The following HPSE2 variants were observed in gnomAD, a reference collection of about 807,000 sequenced individuals.
HPSE2 encodes heparanase 2 (inactive), also known as inactive heparanase-2.
A neutral mutation model predicts 60.5 loss-of-function variants in HPSE2; 38 were observed. The observed-to-expected ratio is 0.63, with a 90% confidence interval of 0.48 to 0.82. The LOEUF (loss-of-function observed/expected upper bound fraction) is 0.82, where lower values mean the gene tolerates loss of function less well. Ranked by LOEUF, HPSE2 falls within the 40% of genes least tolerant of loss-of-function variation. HPSE2 has a pLI of 0.00. For missense variants in HPSE2, 713 were observed against 740.4 expected, an observed-to-expected ratio of 0.96 and a Z score of 0.43; for synonymous variants, 295 against 293.2, an observed-to-expected ratio of 1.01 and a Z score of -0.06.
intron 2 of HPSE2, among the ~76,000 whole-genome samples, chr10:99,184,789 T>TATATATATATATATATATATATA (rs1847914628): frequency 4.6e-5 from 1 of 21,776 alleles, no homozygotes; most frequent in Non-Finnish European, 9.1e-5. Context: ...TCCAAAATTA[T>TATATATATATATATATATATATA]ATATATATAT....
In HPSE2 at chr10:98,545,492, G is replaced by A. The variant is rs187731646; in HGVS notation, c.1321-55296C>T. ...GGCTTCATCCCTGGGATGGAAGGCT[G>A]GTTCAACACAAGCAAATCAATAAAG... On this transcript the variant is annotated intron_variant, in intron 9 of 11. Transcript: ENST00000370552. 1.4e-3 allele frequency among the ~76,000 whole-genome samples: 213 copies of A among 152,296 alleles called. 3 individuals are homozygous for A. In the Middle Eastern group the frequency reaches 0.024, roughly 17 times the overall value.
chr10:98,893,904 G>A (rs1430950516), intron 3 of HPSE2, among the ~76,000 whole-genome samples: 9 of 144,298 alleles, frequency 6.2e-5, no homozygotes, highest in Admixed American at 7.0e-5. Flanking sequence ...TGGTAAACTA[G>A]AAAAAAAAAA....
intron 3 of HPSE2, among the ~76,000 whole-genome samples, chr10:98,830,343 G>T (rs753000922): frequency 6.6e-6 from 1 of 152,148 alleles, no homozygotes; most frequent in African/African-American, 2.4e-5. Flanking sequence ...AAGAGGAAAA[G>T]ATGAAGAAAG....
At chr10:98,642,777 C>T (rs1296252876) in intron 6 of HPSE2, among the ~76,000 whole-genome samples, 1 of 152,198 alleles carries the variant, frequency 6.6e-6, no homozygotes, top group East Asian at 1.9e-4. Context: ...TTCCCTTACC[C>T]CCATCTTGGC....
At chr10:98,479,221 C>T (rs565879439) in intron 11 of HPSE2, among the ~76,000 whole-genome samples, 6 of 152,224 alleles carry the variant, frequency 3.9e-5, no homozygotes, top group South Asian at 2.1e-4. Context: ...TGAATTGGGG[C>T]GGGGGGCACT....
chr10:99,198,180 A>T (rs188058069), intron 2 of HPSE2, among the ~76,000 whole-genome samples: 1 of 152,316 alleles, frequency 6.6e-6, no homozygotes, highest in East Asian at 1.9e-4. Context: ...CCCAGTTTCA[A>T]ATCTTACTAA....
intron 3 of HPSE2, among the ~76,000 whole-genome samples, chr10:99,036,274 C>CA (rs1342681217): frequency 6.6e-6 from 1 of 151,534 alleles, no homozygotes; most frequent in Non-Finnish European, 1.5e-5. Flanking sequence ...TAAAAGAAAC[C>CA]AGGGATCTTT....
chr10:98,732,866 G>C (rs1949262148), intron 4 of HPSE2, among the ~76,000 whole-genome samples: 1 of 151,896 alleles, frequency 6.6e-6, no homozygotes, highest in South Asian at 2.1e-4. Context: ...TCATATACTT[G>C]AATTTTTAAA....
intron 3 of HPSE2, among the ~76,000 whole-genome samples, chr10:98,779,939 G>A (rs889401332): frequency 6.6e-6 from 1 of 152,080 alleles, no homozygotes; most frequent in Non-Finnish European, 1.5e-5. Context: ...TAAGAGACTT[G>A]CTAGAGAGCC....
At chr10:98,503,242 G>GA (rs1942087478) in intron 9 of HPSE2, among the ~76,000 whole-genome samples, 2 of 148,364 alleles carry the variant, frequency 1.3e-5, no homozygotes, top group Admixed American at 6.7e-5. Context: ...AAGAAAAAAA[G>GA]AAAAAAAAGA....
chr10:98,738,227 G>A (rs977030513), intron 4 of HPSE2, among the ~76,000 whole-genome samples: 1 of 152,104 alleles, frequency 6.6e-6, no homozygotes, highest in African/African-American at 2.4e-5. Flanking sequence ...AACAAGCAAT[G>A]GGGAAAGGAT....
At chr10:98,687,122 C>G (rs547691413) in intron 6 of HPSE2, among the ~76,000 whole-genome samples, 2 of 151,864 alleles carry the variant, frequency 1.3e-5, no homozygotes, top group South Asian at 4.2e-4. Flanking sequence ...TTGATTGCTG[C>G]TCTAAACAAA....
chr10:99,169,649 C>T (rs1847233955), intron 2 of HPSE2, among the ~76,000 whole-genome samples: 1 of 148,870 alleles, frequency 6.7e-6, no homozygotes, highest in African/African-American at 2.5e-5. Flanking sequence ...AGGGAGTTAT[C>T]AGAATAGCAG....
the HPSE2 span, among the ~76,000 whole-genome samples, chr10:99,298,449 T>C: frequency 2.1e-4 from 32 of 152,230 alleles, no homozygotes; most frequent in African/African-American, 7.2e-4. Context: ...CCAAAAGCCT[T>C]GCCACTAAGG....
At chr10:99,188,625 T>C (rs1233419879) in intron 2 of HPSE2, among the ~76,000 whole-genome samples, 1 of 152,210 alleles carries the variant, frequency 6.6e-6, no homozygotes, top group East Asian at 1.9e-4. Context: ...TATCATCTCC[T>C]AGTTCTTTAG....
intron 7 of HPSE2, among the ~76,000 whole-genome samples, chr10:98,631,267 C>T (rs1486616429): frequency 3.3e-5 from 5 of 152,024 alleles, no homozygotes; most frequent in African/African-American, 7.3e-5. Flanking sequence ...TGCAACAAAA[C>T]ATAAAATTAA....
chr10:98,956,546 C>T (rs773683808), intron 3 of HPSE2, among the ~76,000 whole-genome samples: 6 of 152,128 alleles, frequency 3.9e-5, no homozygotes, highest in Admixed American at 6.6e-5. Flanking sequence ...CTCTACCATA[C>T]CTAGTGAATA....
intron 9 of HPSE2, among the ~76,000 whole-genome samples, chr10:98,568,615 G>T (rs920633336): frequency 4.6e-5 from 7 of 152,212 alleles, no homozygotes; most frequent in Non-Finnish European, 8.8e-5. Flanking sequence ...TTGAAACCCT[G>T]GTTGACTTCT....
At chr10:99,176,391 T>C (rs987388977) in intron 2 of HPSE2, among the ~76,000 whole-genome samples, 3 of 152,020 alleles carry the variant, frequency 2.0e-5, no homozygotes, top group South Asian at 4.2e-4. Flanking sequence ...GTTAGACGAA[T>C]TGCTAACTAG....
Sources: gnomAD v4.1 joint callset for allele counts (sites outside exome capture counted in the v4.1 genomes callset) on GRCh38, gnomAD v4.1.1 for gene constraint, MANE v1.5 for transcripts, NCBI Gene and HGNC (gene_info 2026-07-23, HGNC 2026-07-21) for gene names.